Variants in AXDND1 observed in about 807,000 individuals in gnomAD.
AXDND1 encodes the protein axonemal dynein light chain domain containing 1, also known as axonemal dynein light chain domain-containing protein 1.
In AXDND1, 110 loss-of-function variants were observed where a neutral mutation model predicts 137.5. The ratio of observed to expected loss-of-function variants is 0.80; its 90% CI spans 0.69 to 0.94. AXDND1 has a LOEUF of 0.94. AXDND1 is among the 40% of genes least tolerant of loss of function. The probability of loss-of-function intolerance (pLI) is 0.00; values close to 1 mark genes in which losing one functional copy is unlikely to be tolerated. For missense variants in AXDND1, 1,191 were observed against 1,169.8 expected (o/e 1.02, Z -0.26); for synonymous variants, 414 against 399.7 (o/e 1.04, Z -0.43).
At chr1:179,373,815 C>G (rs563002109) in intron 4 of AXDND1, among the ~76,000 whole-genome samples, 3,057 of 152,148 alleles carry the variant, frequency 0.02, 110 homozygotes, top group African/African-American at 0.069. Context: ...ACACCTTATA[C>G]AAAAATTAAT....
At chr1:179,437,161 G>T (rs541998802) in intron 15 of AXDND1, among the ~76,000 whole-genome samples, 6 of 151,958 alleles carry the variant, frequency 3.9e-5, no homozygotes, top group South Asian at 2.1e-4. Context: ...CTGAACAAAG[G>T]GGGGCAAATG....
chr1:179,468,450 C>T lies in AXDND1; in HGVS notation c.1806C>T (p.Ser602=), dbSNP rs779748409. The T allele has an allele frequency of 3.7e-6, 6 of 1,605,038 alleles. No homozygotes were observed. The African/African-American group carries it at 6.7e-5, about 18-fold the overall frequency. The change falls in exon 17 of 26, where the codon TCC becomes TCT. Residue 602 remains serine (S), a synonymous_variant. Coordinates refer to ENST00000367618, the MANE Select transcript of AXDND1 (RefSeq NM_144696.6). ...EIRINGDNGY[S]KILPSLISSL... Reference sequence around the variant, plus strand: ...CTTTTCTTACTTTTCTAGGTTACTCCAAAATTCTTCCAAGTTTGATTAGTT... The same window carrying T: ...CTTTTCTTACTTTTCTAGGTTACTCTAAAATTCTTCCAAGTTTGATTAGTT...
intron 12 of AXDND1, among the ~76,000 whole-genome samples, chr1:179,424,516 C>G (rs1409736485): frequency 3.3e-5 from 5 of 150,816 alleles, no homozygotes; most frequent in Non-Finnish European, 5.9e-5. Flanking sequence ...CAACCTCTGC[C>G]TCCCGGGTTC....
At chr1:179,548,683 C>T (rs1672869291) in intron 25 of AXDND1, 1 of 152,212 alleles carries the variant, frequency 6.6e-6, no homozygotes, top group Admixed American at 6.5e-5. Flanking sequence ...CATACTTACT[C>T]AGAGCCATCC....
Position 179,383,508 on chromosome 1 carries a change from T to C in AXDND1, c.705T>C (p.Ala235=), listed in dbSNP as rs1180061070. 3.7e-6 allele frequency: 6 copies of C among 1,613,896 alleles called. No individual in the cohort carries two copies. In the Admixed American group the frequency reaches 5.0e-5, roughly 13 times the overall value. Residue 235 remains alanine, a synonymous_variant, in exon 8 of 26, where the codon GCT becomes GCC. Coordinates refer to ENST00000367618, the MANE Select transcript of AXDND1 (RefSeq NM_144696.6). ...NDVMDTMLER[A]GVENQEYTGP... is the part of the protein sequence containing the mutation. ...TGATGGATACTATGCTAGAGAGGGC[T>C]GGTGTGGAAAATCAGGAATATACAG...
chr1:179,399,349 T>C (rs929724348), intron 11 of AXDND1, among the ~76,000 whole-genome samples: 1 of 152,160 alleles, frequency 6.6e-6, no homozygotes, highest in Non-Finnish European at 1.5e-5. Flanking sequence ...TTTCAATAAA[T>C]GGTGCTGGGA....
rs377544024 is a variant in AXDND1, at chr1:179,400,822, G to A, written c.1109+5620G>A. On this transcript the variant is annotated intron_variant, in intron 11 of 25. Transcript: ENST00000367618. ...TGGGAGGGTGAGGCAGGAGAATGGCGTGAACCCAGGAGGCAGAGTTTGCAG... is the reference window on the plus strand; with the variant it reads ...TGGGAGGGTGAGGCAGGAGAATGGCATGAACCCAGGAGGCAGAGTTTGCAG... Among the ~76,000 whole-genome samples, 12 of 146,838 alleles carry A rather than the reference G, an allele frequency of 8.2e-5. No homozygotes were observed. In the East Asian group the frequency reaches 1.2e-3, roughly 15 times the overall value.
chr1:179,400,745 T>TA (rs1240822494), intron 11 of AXDND1, among the ~76,000 whole-genome samples: 1 of 126,414 alleles, frequency 7.9e-6, no homozygotes, highest in Non-Finnish European at 1.7e-5. Context: ...CTACTGAAAA[T>TA]ACAAAAAAAA....
At chr1:179,444,428 G>A (rs1440344906) in intron 15 of AXDND1, among the ~76,000 whole-genome samples, 1 of 151,986 alleles carries the variant, frequency 6.6e-6, no homozygotes, top group African/African-American at 2.4e-5. Context: ...CTTATTGAAG[G>A]CTGGGTAATG....
At chr1:179,521,376 A>G (rs1359764206) in intron 21 of AXDND1, among the ~76,000 whole-genome samples, 2 of 152,058 alleles carry the variant, frequency 1.3e-5, no homozygotes, top group Admixed American at 6.6e-5. Flanking sequence ...GGTTTTCTAG[A>G]TACTTAATCA....
At chr1:179,379,533 C>T (rs768443189) in intron 6 of AXDND1, 51 bp downstream of exon 6, 1 of 1,596,842 alleles carries the variant, frequency 6.3e-7, no homozygotes. Context: ...GTGGCCCATG[C>T]CTGTAATCCC....
chr1:179,531,736 C>T lies in AXDND1; in HGVS notation c.2716-2059C>T, dbSNP rs371474117. 5.9e-5 allele frequency among the ~76,000 whole-genome samples: 9 copies of T among 152,094 alleles called. No homozygotes were observed. The East Asian group carries it at 1.7e-3, about 29-fold the overall frequency. The stretch of plus-strand genomic sequence containing the variant: ...GGAGTGGGATCTTCCCTGAGGCATG[C>T]CCAAGCCATAGAGATGCAACCCAAA... On this transcript the variant is annotated intron_variant, in intron 23 of 25. Transcript: ENST00000367618.
In AXDND1 at chr1:179,488,629, TCTCTC is replaced by T. The variant is rs199838515; in HGVS notation, c.2092-2906_2092-2902del. On this transcript the variant is annotated intron_variant, in intron 18 of 25. Coordinates refer to ENST00000367618, the MANE Select transcript of AXDND1 (RefSeq NM_144696.6). ...TTTTCTTTCTTTCTTTCTCTCTCTC[TCTCTC>T]CTTTCTTTCTTTCTTTCTTTCTTTC... is the stretch of plus-strand genomic sequence containing the variant. 1.1e-4 allele frequency among the ~76,000 whole-genome samples: 7 copies of T among 61,838 alleles called. 1 individual carries two copies. The highest frequency in any genetic ancestry group is 9.4e-4 in the East Asian group (1 of 1,062). 40.6% of individuals were successfully genotyped at this position (61,838 alleles called of 152,430 possible). A position where few individuals can be genotyped will look rare whatever the true frequency, so the allele number is the denominator to read the frequency against.
intron 25 of AXDND1, chr1:179,545,052 G>A (rs1450960183): frequency 1.3e-5 from 2 of 152,222 alleles, no homozygotes; most frequent in Non-Finnish European, 2.9e-5. Flanking sequence ...TGTCTGCTCT[G>A]TTCATGACCC....
intron 20 of AXDND1, among the ~76,000 whole-genome samples, chr1:179,502,251 A>G (rs1331794918): frequency 6.6e-6 from 1 of 152,196 alleles, no homozygotes; most frequent in South Asian, 2.1e-4. Context: ...ATCACTACTT[A>G]CATAACAAGC....
chr1:179,451,075 T>C (rs2125395935), intron 16 of AXDND1: 1 of 152,352 alleles, frequency 6.6e-6, no homozygotes, highest in South Asian at 2.1e-4. Flanking sequence ...TATCTGGTTT[T>C]GGTGTCAGCA....
At chr1:179,552,557 C>T (rs534400544) in intron 25 of AXDND1, 30 of 1,450,948 alleles carry the variant, frequency 2.1e-5, no homozygotes, top group East Asian at 4.5e-5. Context: ...TCTCCACGAG[C>T]AGGCCTTCCT....
intron 20 of AXDND1, among the ~76,000 whole-genome samples, chr1:179,502,285 C>T (rs1668067927): frequency 6.6e-6 from 1 of 152,084 alleles, no homozygotes; most frequent in Non-Finnish European, 1.5e-5. Context: ...AAAGTCTAGG[C>T]CGAGTGTGGT....
At chr1:179,537,666 T>G (rs1306969939) in intron 25 of AXDND1, among the ~76,000 whole-genome samples, 1 of 152,200 alleles carries the variant, frequency 6.6e-6, no homozygotes, top group Non-Finnish European at 1.5e-5. Flanking sequence ...TTTTTTATTG[T>G]GTCTCTGCCA....
Sources: gnomAD v4.1 joint callset for allele counts (sites outside exome capture counted in the v4.1 genomes callset) on GRCh38, gnomAD v4.1.1 for gene constraint, MANE v1.5 for transcripts, NCBI Gene and HGNC (gene_info 2026-07-23, HGNC 2026-07-21) for gene names.